The following RFTN1 variants were observed in gnomAD, a reference collection of about 807,000 sequenced individuals.
The protein encoded by RFTN1 is raftlin.
A neutral mutation model predicts 46.5 loss-of-function variants in RFTN1; 26 were observed. The ratio of observed to expected loss-of-function variants is 0.56; its 90% CI spans 0.41 to 0.78. RFTN1 has a LOEUF of 0.78. Among genes scored for constraint, RFTN1 ranks in the 30% least tolerant of loss-of-function variants. RFTN1 has a pLI of 0.00. For synonymous variants in RFTN1, 261 were observed against 284.2 expected (o/e 0.92, Z 0.82); for missense variants, 693 against 718.7 (o/e 0.96, Z 0.41).
At chr3:16,435,196 A>G (rs1339393686) in intron 2 of RFTN1, among the ~76,000 whole-genome samples, 1 of 152,208 alleles carries the variant, frequency 6.6e-6, no homozygotes. Context: ...ACAGGTCTAT[A>G]TATTTCCCTC....
chr3:16,404,100 T>G (rs1199311238), intron 4 of RFTN1, among the ~76,000 whole-genome samples: 1 of 430 alleles, frequency 2.3e-3, no homozygotes, highest in Non-Finnish European at 3.3e-3. Context: ...TATTATATAT[T>G]ATATATAATA....
In RFTN1 at chr3:16,499,931, C is replaced by T. The variant is rs747221687; in HGVS notation, c.-8-6054G>A. On this transcript the variant is annotated intron_variant, in intron 1 of 9. Coordinates refer to ENST00000334133, the MANE Select transcript of RFTN1 (RefSeq NM_015150.2). This position sits in a 1 kb window ranked among gnomAD's most constrained non-coding sequence, Gnocchi z 4.9. The stretch of plus-strand genomic sequence containing the variant: ...TGGGTTATATGATAAGTGCAGGAGC[C>T]CTGTTAATGAAAAAATGCTTCTCTT... Among the ~76,000 whole-genome samples the T allele has an allele frequency of 3.3e-5, 5 of 152,062 alleles. No homozygotes were observed. Among genetic ancestry groups the T allele is most frequent in the South Asian group, 2.1e-4 (1 of 4,806 alleles).
chr3:16,467,890 C>A (rs2076128565), intron 2 of RFTN1, among the ~76,000 whole-genome samples: 1 of 152,132 alleles, frequency 6.6e-6, no homozygotes, highest in Non-Finnish European at 1.5e-5. Context: ...CATCCCTCAC[C>A]CCACTCGTGC....
intron 4 of RFTN1, among the ~76,000 whole-genome samples, chr3:16,406,902 CAT>C (rs569589016): frequency 3.3e-5 from 5 of 152,184 alleles, no homozygotes; most frequent in Non-Finnish European, 7.3e-5. Flanking sequence ...ATCAGACACA[CAT>C]GTGCATACAC....
chr3:16,423,403 C>T (rs188807216), intron 3 of RFTN1, among the ~76,000 whole-genome samples: 1 of 152,218 alleles, frequency 6.6e-6, no homozygotes, highest in Admixed American at 6.5e-5. Context: ...GTCAATAGTA[C>T]CAAGGCTGAG....
intron 8 of RFTN1, 31 bp from the exon 9 acceptor site, chr3:16,323,488 T>A: frequency 6.4e-7 from 1 of 1,561,930 alleles, no homozygotes; most frequent in Non-Finnish European, 8.8e-7. Context: ...AATGAGCCAC[T>A]TTATGCCTTA....
At chr3:16,415,766 T>A (rs2075067376) in intron 3 of RFTN1, among the ~76,000 whole-genome samples, 1 of 152,030 alleles carries the variant, frequency 6.6e-6, no homozygotes, top group African/African-American at 2.4e-5. Flanking sequence ...AGGAGAAGGG[T>A]ATGAGACATC....
chr3:16,435,580 AAAAAC>A (rs549934762), intron 2 of RFTN1, among the ~76,000 whole-genome samples: 4 of 152,288 alleles, frequency 2.6e-5, no homozygotes, highest in African/African-American at 9.6e-5. Context: ...CAAAAAGCAA[AAAAAC>A]AAAACAAAAC....
In RFTN1 at chr3:16,451,537, G is replaced by A. The variant is rs564300538; in HGVS notation, c.146-17500C>T. The stretch of plus-strand genomic sequence containing the variant: ...ATATGAATACAAACTAAAATAGAGT[G>A]GTCCCCTCTTCTCCACAGGGGATAT... On this transcript the variant is annotated intron_variant, in intron 2 of 9. Transcript: ENST00000334133. This position sits in a 1 kb window ranked among gnomAD's most constrained non-coding sequence, Gnocchi z 4.2. Among the ~76,000 whole-genome samples the A allele has an allele frequency of 6.6e-6, 1 of 152,266 alleles. No individual in the cohort carries two copies. Among genetic ancestry groups the A allele is most frequent in the Non-Finnish European group, 1.5e-5 (1 of 68,024 alleles).
rs939774994 is a variant in RFTN1 at position 16,345,875 on chromosome 3, G to A, written c.1146+12057C>T. On this transcript the variant is annotated intron_variant, in intron 7 of 9. Transcript: ENST00000334133. The surrounding 1 kb of genome is among the most constrained non-coding windows in gnomAD (Gnocchi z 5.2). Reference sequence around the variant, plus strand: ...ATGTGTATGTGTATAATCTCCTACTGGTTCTGTTTTACTGGAGAACCCTAA... The same window carrying A: ...ATGTGTATGTGTATAATCTCCTACTAGTTCTGTTTTACTGGAGAACCCTAA... 1.3e-5 allele frequency: 2 copies of A among 149,918 alleles called. No homozygotes were observed. Among genetic ancestry groups the A allele is most frequent in the African/African-American group, 4.9e-5 (2 of 40,740 alleles). 9.3% of individuals were successfully genotyped at this position (149,918 alleles called of 1,614,324 possible). A position where few individuals can be genotyped will look rare whatever the true frequency, so the allele number is the denominator to read the frequency against.
chr3:16,356,382 G>A lies in RFTN1; in HGVS notation c.1146+1550C>T, dbSNP rs766243341. Among the ~76,000 whole-genome samples, 1 of 152,158 alleles carries A rather than the reference G, an allele frequency of 6.6e-6. No individual in the cohort carries two copies. Among genetic ancestry groups the A allele is most frequent in the Non-Finnish European group, 1.5e-5 (1 of 68,032 alleles). The stretch of plus-strand genomic sequence containing the variant: ...TCTGGCCCCTACGCTAACCAGCCCC[G>A]GATGCTGTGACTTTCCAACTCCTGC... On this transcript the variant is annotated intron_variant, in intron 7 of 9. Transcript: ENST00000334133. This position sits in a 1 kb window ranked among gnomAD's most constrained non-coding sequence, Gnocchi z 4.9.
intron 2 of RFTN1, among the ~76,000 whole-genome samples, chr3:16,445,863 C>T (rs1174438817): frequency 6.6e-6 from 1 of 151,896 alleles, no homozygotes; most frequent in African/African-American, 2.4e-5. Flanking sequence ...CATTAATTAC[C>T]AATCATTTGT....
At position 16,506,231 on chromosome 3, in the gene RFTN1, G is replaced by C. The variant is rs34240418; in HGVS notation, c.-9+7211C>G. 0.072 allele frequency among the ~76,000 whole-genome samples: 11,008 copies of C among 152,142 alleles called. 553 individuals carry two copies. Among genetic ancestry groups the C allele is most frequent in the East Asian group, 0.14 (746 of 5,152 alleles). Reference sequence around the variant, plus strand: ...GAGCGAGCCATGGGATAAGGGGGAGGGTGGGCTAGGCAAGGCAGTGGCAGG... The same window carrying C: ...GAGCGAGCCATGGGATAAGGGGGAGCGTGGGCTAGGCAAGGCAGTGGCAGG... On this transcript the variant is annotated intron_variant, in intron 1 of 9. Coordinates refer to ENST00000334133, the MANE Select transcript of RFTN1 (RefSeq NM_015150.2). The surrounding 1 kb of genome is among the most constrained non-coding windows in gnomAD (Gnocchi z 4.8).
At chr3:16,414,204 G>A (rs2075027898) in intron 3 of RFTN1, among the ~76,000 whole-genome samples, 1 of 151,652 alleles carries the variant, frequency 6.6e-6, no homozygotes, top group African/African-American at 2.4e-5. Flanking sequence ...CTCTGCCTTT[G>A]TGGAGCTAAC....
chr3:16,392,930 A>G (rs768515773), intron 4 of RFTN1, among the ~76,000 whole-genome samples: 3 of 152,174 alleles, frequency 2.0e-5, no homozygotes, highest in Non-Finnish European at 2.9e-5. Context: ...TCATTGCATC[A>G]CTGTTCACAG....
At position 16,426,660 on chromosome 3, in the gene RFTN1, C is replaced by CT. The variant is rs1553593376; in HGVS notation, c.332+7190_332+7191insA. Among the ~76,000 whole-genome samples the CT allele has an allele frequency of 7.0e-6, 1 of 142,026 alleles. No individual in the cohort carries two copies. The highest frequency in any genetic ancestry group is 1.5e-5 in the Non-Finnish European group (1 of 65,570). The allele number at this position is 142,026 out of a possible 152,430, so 93.2% of individuals were successfully genotyped here. On this transcript the variant is annotated intron_variant, in intron 3 of 9. Transcript: ENST00000334133. This position sits in a 1 kb window ranked among gnomAD's most constrained non-coding sequence, Gnocchi z 5.9. ...ACTGTTATTTTGGCAATGAAAGGAT[C>CT]GTGTGTGTGTGTGTGTGTGTGTGTG...
rs980314178 is a variant in RFTN1, at chr3:16,317,415, A to G, written c.1333-183T>C. 1.3e-5 allele frequency among the ~76,000 whole-genome samples: 2 copies of G among 152,028 alleles called. No homozygotes were observed. The highest frequency in any genetic ancestry group is 2.4e-5 in the African/African-American group (1 of 41,388). On this transcript the variant is annotated intron_variant, in intron 9 of 9. Coordinates refer to ENST00000334133, the MANE Select transcript of RFTN1 (RefSeq NM_015150.2). This position sits in a 1 kb window ranked among gnomAD's most constrained non-coding sequence, Gnocchi z 4.3. Reference sequence around the variant, plus strand: ...ACACTATCACATCACACCCACCCCAAGAGCCTGCACCACACCTTCCAGGAT... The same window carrying G: ...ACACTATCACATCACACCCACCCCAGGAGCCTGCACCACACCTTCCAGGAT...
rs1008634438 is a variant in RFTN1 at position 16,316,255 on chromosome 3, G to T, written c.*573C>A. 2 of 161,360 alleles carry T rather than the reference G, an allele frequency of 1.2e-5. No individual in the cohort carries two copies. Among genetic ancestry groups the T allele is most frequent in the Non-Finnish European group, 2.7e-5 (2 of 74,768 alleles). 10.0% of individuals were successfully genotyped at this position (161,360 alleles called of 1,614,324 possible). On this transcript the variant is annotated 3_prime_UTR_variant, in exon 10 of 10. Coordinates refer to ENST00000334133, the MANE Select transcript of RFTN1 (RefSeq NM_015150.2). The surrounding 1 kb of genome is among the most constrained non-coding windows in gnomAD (Gnocchi z 4.5). Reference sequence around the variant, plus strand: ...CATTTCCAGATTACCAGTATCTATAGGACTATTTTGAGAAAAGCTGGGAGG... The same window carrying T: ...CATTTCCAGATTACCAGTATCTATATGACTATTTTGAGAAAAGCTGGGAGG...
At chr3:16,368,311 G>A (rs543734812) in intron 6 of RFTN1, among the ~76,000 whole-genome samples, 1 of 152,194 alleles carries the variant, frequency 6.6e-6, no homozygotes, top group Non-Finnish European at 1.5e-5. Context: ...GGGCTTCCTT[G>A]TGTAGAGGGA....
Sources: allele counts gnomAD v4.1 joint callset (sites outside exome capture counted in the v4.1 genomes callset), GRCh38; gene constraint gnomAD v4.1.1; non-coding constraint Gnocchi (gnomAD v3.1); transcripts MANE v1.5; gene names NCBI Gene and HGNC (gene_info 2026-07-23, HGNC 2026-07-21).